The following RCBTB1 variants were observed in gnomAD, a reference collection of about 807,000 sequenced individuals.
The protein encoded by RCBTB1 is RCC1 and BTB domain-containing protein 1.
In RCBTB1, 46 loss-of-function variants were observed where a neutral mutation model predicts 62.4. The observed-to-expected ratio is 0.74, with a 90% CI of 0.58 to 0.94. The LOEUF is 0.94. RCBTB1 is among the 40% of genes least tolerant of loss of function. The pLI is 0.00. For missense variants in RCBTB1, 565 were observed against 654.9 expected (o/e 0.86, Z 1.50); for synonymous variants, 222 against 245.8 (o/e 0.90, Z 0.91).
intron 4 of RCBTB1, among the ~76,000 whole-genome samples, chr13:49,562,462 G>C (rs1051008761): frequency 8.9e-5 from 13 of 145,972 alleles, no homozygotes; most frequent in African/African-American, 3.3e-4. Flanking sequence ...TGAGGCTGCA[G>C]TGAGCCAAGA....
In RCBTB1 at chr13:49,552,286, CT is replaced by C; in HGVS notation, c.604-2del. ...TGCCATTGTAACCCCAGCCATATAC[CT>C]TAGAGAGGACAGAAGGGAGAGAGTG... On this transcript the variant is annotated splice_acceptor_variant, in intron 6 of 12. Transcript: ENST00000378302. LOFTEE classifies it high-confidence loss of function. 1 of 1,585,334 alleles carries C rather than the reference CT, an allele frequency of 6.3e-7. No individual in the cohort carries two copies. Among genetic ancestry groups the C allele is most frequent in the Non-Finnish European group, 8.6e-7 (1 of 1,159,866 alleles).
intron 5 of RCBTB1, among the ~76,000 whole-genome samples, chr13:49,559,655 C>CAAAAAAAA (rs11458278): frequency 9.6e-6 from 1 of 103,934 alleles, no homozygotes; most frequent in African/African-American, 4.2e-5. Context: ...GACTCCATCT[C>CAAAAAAAA]AAAAAAAAAA....
chr13:49,574,251 TG>T (rs1295767628), intron 2 of RCBTB1, among the ~76,000 whole-genome samples: 1 of 151,804 alleles, frequency 6.6e-6, no homozygotes, highest in Non-Finnish European at 1.5e-5. Context: ...TCTGAGTGGC[TG>T]AGATTACAGG....
chr13:49,554,430 G>A (rs1423541575), intron 6 of RCBTB1, among the ~76,000 whole-genome samples: 2 of 152,148 alleles, frequency 1.3e-5, no homozygotes, highest in Non-Finnish European at 2.9e-5. Context: ...GTCATTTCAT[G>A]ATACTGAGAT....
intron 6 of RCBTB1, 114 bp from the exon 7 acceptor site, chr13:49,552,399 T>C (rs1430955725): frequency 1.6e-6 from 1 of 614,588 alleles, no homozygotes; most frequent in Non-Finnish European, 2.8e-6. Context: ...TATATTCTAC[T>C]CTATGCTCCT....
intron 9 of RCBTB1, among the ~76,000 whole-genome samples, chr13:49,546,668 T>G (rs565009501): frequency 5.5e-4 from 84 of 152,314 alleles, no homozygotes; most frequent in African/African-American, 1.8e-3. Flanking sequence ...TAGATTCTCA[T>G]AAGGAGCTCG....
At chr13:49,558,695 CAAAAAAAAAA>C (rs1186659232) in intron 5 of RCBTB1, among the ~76,000 whole-genome samples, 1 of 59,378 alleles carries the variant, frequency 1.7e-5, no homozygotes, top group Non-Finnish European at 3.2e-5. Context: ...ACTCTGTCTC[CAAAAAAAAAA>C]AAAAAAAAAA....
At chr13:49,566,303 T>A (rs966338498) in intron 4 of RCBTB1, among the ~76,000 whole-genome samples, 11 of 89,522 alleles carry the variant, frequency 1.2e-4, no homozygotes, top group African/African-American at 4.6e-4. Flanking sequence ...AATAAATAAA[T>A]AAAAAAGTTG....
At chr13:49,540,647 T>C (rs1484249144) in intron 12 of RCBTB1, among the ~76,000 whole-genome samples, 1 of 152,242 alleles carries the variant, frequency 6.6e-6, no homozygotes, top group African/African-American at 2.4e-5. Flanking sequence ...TGCTAGGACC[T>C]TGGTTCGTTT....
At chr13:49,570,051 T>A (rs1028004082) in intron 2 of RCBTB1, among the ~76,000 whole-genome samples, 9 of 151,974 alleles carry the variant, frequency 5.9e-5, no homozygotes, top group African/African-American at 2.2e-4. Context: ...TTCAAGAAAA[T>A]CCAGAAGCAG....
At chr13:49,547,261 A>T (rs188255341) in intron 9 of RCBTB1, 5 of 1,050,086 alleles carry the variant, frequency 4.8e-6, no homozygotes, top group Non-Finnish European at 6.4e-6. Flanking sequence ...ACTTTAAGGC[A>T]AGCTTAACTC....
chr13:49,569,938 C>G (rs1311552603), intron 2 of RCBTB1, among the ~76,000 whole-genome samples: 2 of 151,904 alleles, frequency 1.3e-5, no homozygotes, highest in Non-Finnish European at 1.5e-5. Context: ...CAAAAAGGAA[C>G]AAGATGCCCC....
chr13:49,582,006 GC>G (rs2137404909), intron 1 of RCBTB1, among the ~76,000 whole-genome samples: 1 of 152,364 alleles, frequency 6.6e-6, no homozygotes, highest in East Asian at 1.9e-4. Context: ...ATGAGAAATC[GC>G]ATAGTAATCA....
chr13:49,568,651 G>C (rs951539196), intron 2 of RCBTB1, among the ~76,000 whole-genome samples: 1 of 65,478 alleles, frequency 1.5e-5, no homozygotes, highest in African/African-American at 3.9e-5. Flanking sequence ...ATCAGGCCGG[G>C]GGAGGGGGGT....
chr13:49,580,924 A>C (rs1201472046), intron 1 of RCBTB1, among the ~76,000 whole-genome samples: 1 of 152,222 alleles, frequency 6.6e-6, no homozygotes, highest in Non-Finnish European at 1.5e-5. Flanking sequence ...ACAGATGCTC[A>C]CAACAGTGTG....
At chr13:49,575,754 G>C (rs960200813) in intron 2 of RCBTB1, among the ~76,000 whole-genome samples, 6 of 152,128 alleles carry the variant, frequency 3.9e-5, no homozygotes, top group African/African-American at 1.2e-4. Flanking sequence ...CAGGGAGGGA[G>C]GGGTACACAG....
intron 10 of RCBTB1, 103 bp downstream of exon 10, chr13:49,544,634 T>G: frequency 1.1e-6 from 1 of 920,768 alleles, no homozygotes; most frequent in South Asian, 1.8e-5. Context: ...AGTAGTGACA[T>G]TTCTCTCTAC....
At chr13:49,539,915 T>C (rs1294099423) in intron 12 of RCBTB1, among the ~76,000 whole-genome samples, 1 of 152,224 alleles carries the variant, frequency 6.6e-6, no homozygotes, top group African/African-American at 2.4e-5. Flanking sequence ...TGTCCTCTTA[T>C]ACCTCAAAGG....
intron 2 of RCBTB1, among the ~76,000 whole-genome samples, chr13:49,578,006 T>C (rs139845615): frequency 2.6e-3 from 402 of 152,324 alleles, no homozygotes; most frequent in African/African-American, 9.0e-3. Flanking sequence ...AAAAAATTTA[T>C]TTATAGTTAA....
Sources: gnomAD v4.1 joint callset for allele counts (sites outside exome capture counted in the v4.1 genomes callset) on GRCh38, gnomAD v4.1.1 for gene constraint, MANE v1.5 for transcripts, NCBI Gene and HGNC (gene_info 2026-07-23, HGNC 2026-07-21) for gene names.